The following FRRS1 variants were observed in gnomAD, a reference collection of about 807,000 sequenced individuals.
FRRS1 encodes the protein ferric reductase 1.
Under a neutral mutation model 70.7 loss-of-function variants are expected in FRRS1, and 51 were observed. That is an observed-to-expected ratio of 0.72 (90% CI 0.58 to 0.91). The LOEUF (loss-of-function observed/expected upper bound fraction) is 0.91, where lower values mean the gene tolerates loss of function less well. FRRS1 is among the 40% of genes least tolerant of loss of function. The pLI, the probability that FRRS1 is intolerant of heterozygous loss-of-function variation, is 0.00. For missense variants in FRRS1, 672 were observed against 726.0 expected, an observed-to-expected ratio of 0.93 and a Z score of 0.86; for synonymous variants, 225 against 238.7, an observed-to-expected ratio of 0.94 and a Z score of 0.53.
chr1:99,713,634 C>T (rs1201197369), intron 12 of FRRS1, among the ~76,000 whole-genome samples: 1 of 152,142 alleles, frequency 6.6e-6, no homozygotes, highest in East Asian at 1.9e-4. Flanking sequence ...ATAATAAAAG[C>T]ACAGGCTCTG....
At chr1:99,736,701 A>G (rs1655677592) in intron 7 of FRRS1, among the ~76,000 whole-genome samples, 1 of 150,128 alleles carries the variant, frequency 6.7e-6, no homozygotes, top group Non-Finnish European at 1.5e-5. Context: ...GCACACCAAC[A>G]TGGCACATGT....
chr1:99,748,267 G>C (rs572067978), intron 3 of FRRS1: 2 of 193,710 alleles, frequency 1.0e-5, no homozygotes, highest in African/African-American at 4.7e-5. Context: ...TATCAAGAAG[G>C]ACAAGGGTTT....
At chr1:99,731,143 G>A (rs910293335) in intron 7 of FRRS1, among the ~76,000 whole-genome samples, 2 of 152,202 alleles carry the variant, frequency 1.3e-5, no homozygotes, top group African/African-American at 2.4e-5. Flanking sequence ...GAAGCAGACT[G>A]TAACTTCAAA....
chr1:99,751,347 G>A (rs1484536459), intron 1 of FRRS1, among the ~76,000 whole-genome samples: 2 of 152,112 alleles, frequency 1.3e-5, no homozygotes, highest in Non-Finnish European at 2.9e-5. Flanking sequence ...AACAGATTTT[G>A]AGACTTGTGG....
chr1:99,719,515 A>G lies in FRRS1; in HGVS notation c.1120+19T>C. 7.9e-7 allele frequency: 1 copy of G among 1,258,594 alleles called. No individual in the cohort carries two copies. The highest frequency in any genetic ancestry group is 1.2e-6 in the Non-Finnish European group (1 of 856,378). The allele number at this position is 1,258,594 out of a possible 1,614,324, so 78.0% of individuals were successfully genotyped here. On this transcript the variant is annotated intron_variant, in intron 10 of 16. Transcript: ENST00000646001. The stretch of plus-strand genomic sequence containing the variant: ...AGCAGGTAAGTTGATTCCACAAAGT[A>G]GTTACACATGTAACCTACCATGAAC...
At chr1:99,714,019 G>T (rs1055968289) in intron 12 of FRRS1, among the ~76,000 whole-genome samples, 1 of 152,140 alleles carries the variant, frequency 6.6e-6, no homozygotes, top group East Asian at 1.9e-4. Flanking sequence ...CAGGAGGCTG[G>T]TATGGAAGGA....
chr1:99,704,418 G>A lies in FRRS1; in HGVS notation c.*4610C>T, dbSNP rs1015528418. 2.6e-5 allele frequency among the ~76,000 whole-genome samples: 4 copies of A among 152,206 alleles called. No homozygotes were observed. Among genetic ancestry groups the A allele is most frequent in the African/African-American group, 4.8e-5 (2 of 41,454 alleles). ...AAACTAGCTTTTGTAAGTGATAACGGGAGGGAAGTGCTGGGAAGGGCGTGG... is the reference window on the plus strand; with the variant it reads ...AAACTAGCTTTTGTAAGTGATAACGAGAGGGAAGTGCTGGGAAGGGCGTGG... On this transcript the variant is annotated 3_prime_UTR_variant, in exon 17 of 17. Transcript: ENST00000646001.
At chr1:99,729,510 A>C in intron 8 of FRRS1, 140 bp downstream of exon 8, 1 of 546,414 alleles carries the variant, frequency 1.8e-6, no homozygotes, top group Non-Finnish European at 3.3e-6. Flanking sequence ...TTATGAGAGG[A>C]GCCCTGCTGG....
At position 99,740,949 on chromosome 1, in the gene FRRS1, C is replaced by T; in HGVS notation, c.429-9G>A. 1 of 1,608,904 alleles carries T rather than the reference C, an allele frequency of 6.2e-7. No homozygotes were observed. Among genetic ancestry groups the T allele is most frequent in the Non-Finnish European group, 8.5e-7 (1 of 1,175,626 alleles). ...TCTCAACAACTGTGACTCTGAAATG[C>T]AATACCAGTGAGATTAGAACCCTAA... On this transcript the variant is annotated splice_polypyrimidine_tract_variant and intron_variant, in intron 5 of 16. Transcript: ENST00000646001.
rs1255814507 is a variant in FRRS1 at position 99,706,578 on chromosome 1, C to T, written c.*2450G>A. ...AGCCCACATATTTGAAGACCAAACA[C>T]ATCAAGACTCATCTTTCCCTTAAAA... On this transcript the variant is annotated 3_prime_UTR_variant, in exon 17 of 17. Transcript: ENST00000646001. Among the ~76,000 whole-genome samples, 3 of 152,136 alleles carry T rather than the reference C, an allele frequency of 2.0e-5. No homozygotes were observed. The highest frequency in any genetic ancestry group is 1.3e-4 in the Admixed American group (2 of 15,280).
chr1:99,712,606 G>A, intron 12 of FRRS1, 91 bp from the exon 13 acceptor site: 1 of 639,388 alleles, frequency 1.6e-6, no homozygotes, highest in Non-Finnish European at 2.7e-6. Context: ...TGTATTCTTA[G>A]TATTTTTCCA....
intron 9 of FRRS1, among the ~76,000 whole-genome samples, chr1:99,725,884 T>C (rs1037307833): frequency 6.6e-6 from 1 of 152,256 alleles, no homozygotes; most frequent in African/African-American, 2.4e-5. Flanking sequence ...TCCTCTAAAG[T>C]ATAATTTTAA....
Position 99,706,392 on chromosome 1 carries a change from GA to G in FRRS1, c.*2635del, listed in dbSNP as rs2100889761. Among the ~76,000 whole-genome samples the G allele has an allele frequency of 6.9e-6, 1 of 145,770 alleles. No individual in the cohort carries two copies. The highest frequency in any genetic ancestry group is 2.6e-5 in the African/African-American group (1 of 38,564). On this transcript the variant is annotated 3_prime_UTR_variant, in exon 17 of 17. Coordinates refer to ENST00000646001, the MANE Select transcript of FRRS1 (RefSeq NM_001361041.2). Reference sequence around the variant, plus strand: ...CCACTGCACTCCAGCCTGGGCAACAGAGTAAGACCCTGTCTCAAAAAAAAAA... The same window carrying G: ...CCACTGCACTCCAGCCTGGGCAACAGGTAAGACCCTGTCTCAAAAAAAAAA...
At chr1:99,742,921 A>C (rs1656046725) in intron 4 of FRRS1, among the ~76,000 whole-genome samples, 1 of 152,194 alleles carries the variant, frequency 6.6e-6, no homozygotes, top group African/African-American at 2.4e-5. Context: ...TTCAAGGAGC[A>C]AGAGTAAGTC....
chr1:99,751,448 G>A (rs1656562897), intron 1 of FRRS1, among the ~76,000 whole-genome samples: 2 of 151,988 alleles, frequency 1.3e-5, no homozygotes, highest in Admixed American at 6.5e-5. Context: ...GGAAAACCCT[G>A]ATTAATATGG....
intron 4 of FRRS1, among the ~76,000 whole-genome samples, chr1:99,744,553 A>G (rs7551360): frequency 0.49 from 75,072 of 151,900 alleles, 22,553 homozygotes; most frequent in African/African-American, 0.85. Flanking sequence ...TTGGGAGGCC[A>G]AGGCGGGCGG....
chr1:99,710,740 G>A (rs2100898256), intron 15 of FRRS1, 66 bp downstream of exon 15: 1 of 1,401,810 alleles, frequency 7.1e-7, no homozygotes, highest in Admixed American at 2.0e-5. Context: ...CTATCGGGAA[G>A]CGCATTCTTT....
chr1:99,763,660 GA>G (rs1657215600), intron 1 of FRRS1, among the ~76,000 whole-genome samples: 1 of 152,234 alleles, frequency 6.6e-6, no homozygotes, highest in South Asian at 2.1e-4. Context: ...CCTAAGGTTA[GA>G]AGTTCGAGAC....
At chr1:99,722,739 C>T (rs1430857694) in intron 9 of FRRS1, among the ~76,000 whole-genome samples, 1 of 152,166 alleles carries the variant, frequency 6.6e-6, no homozygotes, top group Admixed American at 6.5e-5. Context: ...ACAAACAAGA[C>T]ATTTAACACT....
Sources: gnomAD v4.1 joint callset for allele counts (sites outside exome capture counted in the v4.1 genomes callset) on GRCh38, gnomAD v4.1.1 for gene constraint, MANE v1.5 for transcripts, NCBI Gene and HGNC (gene_info 2026-07-23, HGNC 2026-07-21) for gene names.